The following CITED1 variants were observed in gnomAD, a reference collection of about 807,000 sequenced individuals.
CITED1 encodes the protein cbp/p300-interacting transactivator 1.
In CITED1, 3 loss-of-function variants were observed where a neutral mutation model predicts 8.5. The observed-to-expected ratio is 0.35, with a 90% CI of 0.16 to 0.91. CITED1 has a LOEUF of 0.91. CITED1 is among the 40% of genes least tolerant of loss of function. The pLI is 0.46. For missense variants in CITED1, 113 were observed against 154.8 expected (o/e 0.73, Z 1.43); for synonymous variants, 54 against 67.4 (o/e 0.80, Z 0.97).
chrX:72,302,355 G>T, intron 2 of CITED1, 111 bp from the exon 3 acceptor site: 1 of 916,228 alleles, frequency 1.1e-6, no homozygotes, highest in Non-Finnish European at 1.5e-6. Context: ...TAGAGGTGGA[G>T]AGGTAGCAAG....
intron 1 of CITED1, among the ~76,000 whole-genome samples, chrX:72,303,357 T>C (rs1035943334): frequency 3.6e-5 from 4 of 112,154 alleles, no homozygotes; most frequent in African/African-American, 9.7e-5. Context: ...ACTGGGAGAA[T>C]GTGAGAAGAA....
chrX:72,304,384 C>T (rs1310317938), intron 1 of CITED1, among the ~76,000 whole-genome samples: 1 of 111,245 alleles, frequency 9.0e-6, no homozygotes, highest in East Asian at 2.8e-4. Context: ...TGTTGGGTCC[C>T]GCATCATTGC....
At chrX:72,304,195 T>C (rs1035507788) in intron 1 of CITED1, 2 of 276,590 alleles carry the variant, frequency 7.2e-6, no homozygotes, top group African/African-American at 5.9e-5. Flanking sequence ...GAATTCTCCG[T>C]GACACTCTCC....
intron 1 of CITED1, 158 bp downstream of exon 1, chrX:72,305,667 G>A: frequency 5.0e-6 from 1 of 198,709 alleles, no homozygotes; most frequent in Non-Finnish European, 9.3e-6. Flanking sequence ...GGCGCCGGCT[G>A]CTGCCACTCT....
intron 1 of CITED1, chrX:72,304,194 G>A: frequency 7.0e-6 from 2 of 284,253 alleles, no homozygotes; most frequent in South Asian, 1.9e-4. Flanking sequence ...AGAATTCTCC[G>A]TGACACTCTC....
chrX:72,305,730 G>C (rs760287129), intron 1 of CITED1, 95 bp downstream of exon 1: 1 of 144,676 alleles, frequency 6.9e-6, no homozygotes, highest in South Asian at 1.6e-4. Flanking sequence ...CGCGGCAGCA[G>C]GCTGAGCCTA....
intron 1 of CITED1, among the ~76,000 whole-genome samples, chrX:72,303,917 GA>G (rs1282083758): frequency 9.0e-6 from 1 of 110,689 alleles, no homozygotes; most frequent in Non-Finnish European, 1.9e-5. Flanking sequence ...TTACAAAGAA[GA>G]AAAAAATGTC....
chrX:72,301,895 G>C lies in CITED1; in HGVS notation c.410C>G (p.Ser137Cys), dbSNP rs752864735. ...AGGGCTCTGGGCACCAGCAGAAGGA[G>C]AGAGTGATTCTGCCCCTCCCGCCTG... ...GAQAGGAESL[S>C]PSAGAQSPAI... The change falls in exon 3 of 3, where the codon TCT becomes TGT. Residue 137 changes from serine (S) to cysteine (C), a missense_variant. Transcript: ENST00000651998. 1 of 1,212,384 alleles carries C rather than the reference G, an allele frequency of 8.2e-7. No individual in the cohort carries two copies. Among genetic ancestry groups the C allele is most frequent in the Non-Finnish European group, 1.1e-6 (1 of 895,657 alleles).
chrX:72,306,034 C>A (rs2043336162), upstream of CITED1: 1 of 111,368 alleles, frequency 9.0e-6, no homozygotes, highest in African/African-American at 3.3e-5. Context: ...GGCAAGTTGC[C>A]CAAATTCGCT....
intron 1 of CITED1, among the ~76,000 whole-genome samples, chrX:72,303,589 T>C (rs1362103888): frequency 8.9e-6 from 1 of 111,754 alleles, no homozygotes; most frequent in African/African-American, 3.3e-5. Context: ...AGCCCCAGCA[T>C]TGGGCTTTCC....
chrX:72,302,943 G>T lies in CITED1; in HGVS notation c.-65-9C>A. ...CAGCTGGAGCTGTTGTGCTGCAAGTGAGGAAGAAGCAGTGGTAAGGGCAAA... is the reference window on the plus strand; with the variant it reads ...CAGCTGGAGCTGTTGTGCTGCAAGTTAGGAAGAAGCAGTGGTAAGGGCAAA... On this transcript the variant is annotated splice_polypyrimidine_tract_variant and intron_variant, in intron 1 of 2. Transcript: ENST00000651998. The T allele has an allele frequency of 8.3e-7, 1 of 1,206,500 alleles. No individual in the cohort carries two copies. The highest frequency in any genetic ancestry group is 1.1e-6 in the Non-Finnish European group (1 of 892,786).
chrX:72,302,281 C>G, intron 2 of CITED1, 37 bp from the exon 3 acceptor site: 1 of 1,173,413 alleles, frequency 8.5e-7, no homozygotes, highest in Non-Finnish European at 1.1e-6. Flanking sequence ...AGTAACCCTG[C>G]TCCTGGCTTG....
At chrX:72,305,233 A>G (rs780320935) in intron 1 of CITED1, 3 of 1,020,911 alleles carry the variant, frequency 2.9e-6, no homozygotes, top group South Asian at 2.1e-5. Flanking sequence ...GAGGGAAAAG[A>G]GAAGGGAGAG....
At chrX:72,306,914 C>CT (rs1449733251), upstream of CITED1, 12 of 107,740 alleles carry the variant, frequency 1.1e-4, no homozygotes, top group East Asian at 5.8e-4. Flanking sequence ...CTTTTTTTCC[C>CT]TTTTTTTTTC....
chrX:72,302,745 G>A, intron 2 of CITED1, 65 bp downstream of exon 2: 2 of 1,008,776 alleles, frequency 2.0e-6, no homozygotes, highest in Non-Finnish European at 2.7e-6. Flanking sequence ...CACCTAGGAG[G>A]GCCTGGCCCA....
chrX:72,303,771 G>T (rs1310217634), intron 1 of CITED1, among the ~76,000 whole-genome samples: 2 of 111,954 alleles, frequency 1.8e-5, no homozygotes, highest in Non-Finnish European at 3.8e-5. Flanking sequence ...ATACCTAGCT[G>T]GATTCAAAAG....
upstream of CITED1, among the ~76,000 whole-genome samples, chrX:72,306,272 G>C (rs992610009): frequency 1.4e-3 from 154 of 110,732 alleles, 1 homozygote; most frequent in African/African-American, 3.3e-3. Flanking sequence ...TGGCCGGCAG[G>C]GGGGCGCGCT....
At chrX:72,302,397 A>G (rs943904624) in intron 2 of CITED1, among the ~76,000 whole-genome samples, 153 bp from the exon 3 acceptor site, 5 of 111,723 alleles carry the variant, frequency 4.5e-5, no homozygotes, top group Non-Finnish European at 9.4e-5. Context: ...CTCCCACCTC[A>G]AGCATCCTTT....
rs1489242798 is a variant in CITED1 at position 72,302,900 on chromosome X, GGCGGGAAGTGAT to G, written c.-43_-32del. On this transcript the variant is annotated 5_prime_UTR_variant, in exon 2 of 3. Coordinates refer to ENST00000651998, the MANE Select transcript of CITED1 (RefSeq NM_001144887.2). ...AGCCTTGGCAGAAGTTGGATAAATT[GGCGGGAAGTGAT>G]GCTGCCAGCTGGAGCTGTTGTGCTG... The G allele has an allele frequency of 6.6e-6, 8 of 1,210,365 alleles. No homozygotes were observed. The Admixed American group carries it at 1.7e-4, about 26-fold the overall frequency.
Sources: gnomAD v4.1 joint callset for allele counts (sites outside exome capture counted in the v4.1 genomes callset) on GRCh38, gnomAD v4.1.1 for gene constraint, MANE v1.5 for transcripts, NCBI Gene and HGNC (gene_info 2026-07-23, HGNC 2026-07-21) for gene names.